OR1A1: variants seen among roughly 807,000 people sequenced by gnomAD.
OR1A1 encodes the protein olfactory receptor family 1 subfamily A member 1.
For synonymous variants in OR1A1, 145 were observed against 147.8 expected (o/e 0.98, Z 0.13); for missense variants, 391 against 379.9 (o/e 1.03, Z -0.24).
intron 2 of OR1A1, among the ~76,000 whole-genome samples, chr17:3,209,289 G>A (rs1042307033): frequency 6.6e-6 from 1 of 151,864 alleles, no homozygotes; most frequent in African/African-American, 2.4e-5. Flanking sequence ...ACGATGTTTG[G>A]TTTTCCATTC....
In OR1A1 at chr17:3,207,814, G is replaced by A. The variant is rs987374725; in HGVS notation, c.-743G>A. 9.9e-5 allele frequency: 15 copies of A among 152,284 alleles called. 1 individual carries two copies. Among genetic ancestry groups the A allele is most frequent in the Non-Finnish European group, 4.4e-5 (3 of 68,094 alleles). The allele number at this position is 152,284 out of a possible 1,614,324, so 9.4% of individuals were successfully genotyped here. A position where few individuals can be genotyped will look rare whatever the true frequency, so the allele number is the denominator to read the frequency against. ...ATGGCTGCCCTCAAACGGGATGCTA[G>A]CAGGTGCTAGATGAACTAACTGCAA... is the stretch of plus-strand genomic sequence containing the variant. On this transcript the variant is annotated 5_prime_UTR_variant, in exon 1 of 4. Coordinates refer to ENST00000641732, the MANE Select transcript of OR1A1 (RefSeq NM_014565.3).
chr17:3,210,644 C>T (rs2048437050), intron 2 of OR1A1, among the ~76,000 whole-genome samples: 2 of 151,962 alleles, frequency 1.3e-5, no homozygotes, highest in Non-Finnish European at 2.9e-5. Flanking sequence ...CTTGCTTTGT[C>T]ACTTAGGCTG....
intron 2 of OR1A1, among the ~76,000 whole-genome samples, chr17:3,209,929 G>C (rs940897091): frequency 2.0e-5 from 3 of 151,896 alleles, no homozygotes; most frequent in Admixed American, 2.0e-4. Context: ...ATTATTTTAT[G>C]GTTAAAATTT....
rs1567525874 is a variant in OR1A1, at chr17:3,215,861, A to G, written c.241A>G (p.Met81Val). The G allele has an allele frequency of 1.2e-6, 2 of 1,614,172 alleles. No individual in the cohort carries two copies. Among genetic ancestry groups the G allele is most frequent in the Admixed American group, 1.7e-5 (1 of 60,026 alleles). The change falls in exon 4 of 4, where the codon ATG (methionine) becomes GTG (valine). Residue 81 changes from methionine (M) to valine (V), a missense_variant. Met to Val is a conservative substitution (Grantham distance 21). Coordinates refer to ENST00000641732, the MANE Select transcript of OR1A1 (RefSeq NM_014565.3). ...CTTCTCATCGGTAACCATCCCTAAG[A>G]TGCTGGCCAACCATCTCTTGGGCAG... ...IFFSSVTIPK[M>V]LANHLLGSKS...
chr17:3,211,259 T>A (rs1265454814), intron 2 of OR1A1, among the ~76,000 whole-genome samples: 2 of 152,218 alleles, frequency 1.3e-5, no homozygotes, highest in Non-Finnish European at 2.9e-5. Context: ...CAGTAAACCT[T>A]TTTTGTACCT....
chr17:3,216,186 GTT>G lies in OR1A1; in HGVS notation c.567_568del (p.Ser190Ter). Reference sequence around the variant, plus strand: ...ATTACCCCCTTGCTGAAGTTATCCTGTTCTGACATCCACTTTCATGTGAAGAT... The same window carrying G: ...ATTACCCCCTTGCTGAAGTTATCCTGCTGACATCCACTTTCATGTGAAGAT... On this transcript the variant is annotated frameshift_variant, in exon 4 of 4. Coordinates refer to ENST00000641732, the MANE Select transcript of OR1A1 (RefSeq NM_014565.3). LOFTEE classifies it high-confidence loss of function. The G allele has an allele frequency of 6.2e-7, 1 of 1,614,152 alleles. No homozygotes were observed. Among genetic ancestry groups the G allele is most frequent in the South Asian group, 1.1e-5 (1 of 91,068 alleles).
At chr17:3,211,660 T>C (rs1056793850) in intron 2 of OR1A1, among the ~76,000 whole-genome samples, 2 of 152,104 alleles carry the variant, frequency 1.3e-5, no homozygotes, top group East Asian at 1.9e-4. Flanking sequence ...TTGGATCAGT[T>C]TGTCAAACTC....
chr17:3,213,622 G>A (rs921515420), intron 3 of OR1A1: 2 of 152,216 alleles, frequency 1.3e-5, no homozygotes, highest in African/African-American at 4.8e-5. Flanking sequence ...TACAATAAAT[G>A]TTTTTGTTTG....
Position 3,217,316 on chromosome 17 carries a change from T to G in OR1A1, c.*766T>G, listed in dbSNP as rs2048475089. The G allele has an allele frequency of 6.6e-6, 1 of 152,196 alleles. No individual in the cohort carries two copies. Among genetic ancestry groups the G allele is most frequent in the Non-Finnish European group, 1.5e-5 (1 of 68,034 alleles). The allele number at this position is 152,196 out of a possible 1,614,324, so 9.4% of individuals were successfully genotyped here. A position where few individuals can be genotyped will look rare whatever the true frequency, so the allele number is the denominator to read the frequency against. On this transcript the variant is annotated 3_prime_UTR_variant, in exon 4 of 4. Transcript: ENST00000641732. ...TGGAAAAACATTCCATCCTCTTTTA[T>G]ACAAAGAATCAATATCATGAAAATG...
intron 3 of OR1A1, chr17:3,215,088 T>C (rs9899179): frequency 0.43 from 65,533 of 153,428 alleles, 14,366 homozygotes; most frequent in Middle Eastern, 0.5. Context: ...GCTGGCCCTT[T>C]CACCAGCAGA....
At chr17:3,210,708 T>G (rs1238178036) in intron 2 of OR1A1, among the ~76,000 whole-genome samples, 3 of 152,040 alleles carry the variant, frequency 2.0e-5, no homozygotes, top group African/African-American at 7.3e-5. Flanking sequence ...CGGGTTCAAG[T>G]GATTCTCGTG....
intron 2 of OR1A1, 51 bp from the exon 3 acceptor site, chr17:3,212,413 GTTT>G (rs199576210): frequency 6.7e-6 from 1 of 148,456 alleles, no homozygotes; most frequent in Non-Finnish European, 1.5e-5. Flanking sequence ...TGTGTTTTGG[GTTT>G]TTTTTTTCTT....
intron 3 of OR1A1, 148 bp from the exon 4 acceptor site, chr17:3,215,468 C>T (rs2048461612): frequency 1.6e-6 from 1 of 632,070 alleles, no homozygotes; most frequent in Non-Finnish European, 2.7e-6. Flanking sequence ...AGGGATGTTT[C>T]CCCAAAATAC....
At chr17:3,210,273 T>C (rs116665522) in intron 2 of OR1A1, among the ~76,000 whole-genome samples, 1,842 of 152,170 alleles carry the variant, frequency 0.012, 38 homozygotes, top group African/African-American at 0.042. Flanking sequence ...TTATCTTACA[T>C]GTGTCTTCTT....
intron 3 of OR1A1, chr17:3,213,764 A>C (rs543433327): frequency 1.3e-5 from 2 of 152,328 alleles, no homozygotes; most frequent in African/African-American, 4.8e-5. Context: ...AGGAGCCCAG[A>C]ACTGGGACAC....
intron 2 of OR1A1, among the ~76,000 whole-genome samples, chr17:3,211,952 T>C (rs926276642): frequency 4.6e-5 from 7 of 151,990 alleles, no homozygotes; most frequent in African/African-American, 7.2e-5. Flanking sequence ...TGGGAAAAAG[T>C]AAAAATGAAT....
intron 3 of OR1A1, 143 bp downstream of exon 3, chr17:3,212,742 G>GCC (rs2048448812): frequency 6.6e-6 from 1 of 152,178 alleles, no homozygotes; most frequent in Non-Finnish European, 1.5e-5. Flanking sequence ...TTGCCTCACA[G>GCC]CCAAGGAAAT....
chr17:3,208,172 T>G (rs1217571484), intron 1 of OR1A1, among the ~76,000 whole-genome samples, 172 bp downstream of exon 1: 2 of 86,830 alleles, frequency 2.3e-5, no homozygotes, highest in South Asian at 5.0e-4. Flanking sequence ...GAGATAGAGA[T>G]ATATATATAG....
Position 3,216,785 on chromosome 17 carries a change from T to A in OR1A1, c.*235T>A, listed in dbSNP as rs2048472748. The A allele has an allele frequency of 2.3e-6, 1 of 433,310 alleles. No homozygotes were observed. Among genetic ancestry groups the A allele is most frequent in the Non-Finnish European group, 4.1e-6 (1 of 243,748 alleles). 26.8% of individuals were successfully genotyped at this position (433,310 alleles called of 1,614,324 possible). A position where few individuals can be genotyped will look rare whatever the true frequency, so the allele number is the denominator to read the frequency against. Reference sequence around the variant, plus strand: ...TGGCAGCACAGGGATATAGGGCATATGTCCTGATGAGCAGAGTCAAGTTGG... The same window carrying A: ...TGGCAGCACAGGGATATAGGGCATAAGTCCTGATGAGCAGAGTCAAGTTGG... On this transcript the variant is annotated 3_prime_UTR_variant, in exon 4 of 4. Transcript: ENST00000641732.
Sources: gnomAD v4.1 joint callset for allele counts (sites outside exome capture counted in the v4.1 genomes callset) on GRCh38, gnomAD v4.1.1 for gene constraint, MANE v1.5 for transcripts, NCBI Gene and HGNC (gene_info 2026-07-23, HGNC 2026-07-21) for gene names.